The following EYS variants were observed in gnomAD, a reference collection of about 807,000 sequenced individuals.
The protein encoded by EYS is EGF-like photoreceptor maintenance factor, also known as protein eyes shut homolog.
EYS carries 250 observed loss-of-function variants against 282.1 expected under a neutral mutation model. The ratio of observed to expected loss-of-function variants is 0.89; its 90% confidence interval spans 0.80 to 0.98. The LOEUF (loss-of-function observed/expected upper bound fraction) is 0.98. EYS is among the 50% of genes least tolerant of loss of function. The pLI, the probability that EYS is intolerant of heterozygous loss-of-function variation, is 0.00. For missense variants in EYS, 4,016 were observed against 3,709.0 expected (o/e 1.08, Z -2.15); for synonymous variants, 1,355 against 1,282.9 (o/e 1.06, Z -1.20).
chr6:64,615,731 A>C (rs977687736), intron 24 of EYS, among the ~76,000 whole-genome samples: 5 of 152,114 alleles, frequency 3.3e-5, no homozygotes, highest in Admixed American at 2.6e-4. Flanking sequence ...CATTTCACAC[A>C]AACATTATCT....
intron 34 of EYS, among the ~76,000 whole-genome samples, chr6:63,997,675 C>T (rs936639601): frequency 2.0e-5 from 3 of 152,088 alleles, no homozygotes; most frequent in Non-Finnish European, 2.9e-5. Context: ...TATTTCATTT[C>T]GTCAGCCTAA....
At chr6:64,923,374 G>A (rs886167821) in intron 15 of EYS, among the ~76,000 whole-genome samples, 1 of 152,112 alleles carries the variant, frequency 6.6e-6, no homozygotes, top group Admixed American at 6.6e-5. Context: ...ACCTCCCCCT[G>A]GGTCCCTTCC....
intron 12 of EYS, among the ~76,000 whole-genome samples, chr6:65,174,881 T>G (rs1765189965): frequency 6.6e-6 from 1 of 151,316 alleles, no homozygotes. Context: ...TTTTGGCAGC[T>G]GTTAAAAAGT....
chr6:64,622,655 A>G (rs1015956869), intron 23 of EYS, among the ~76,000 whole-genome samples: 1 of 152,146 alleles, frequency 6.6e-6, no homozygotes, highest in Non-Finnish European at 1.5e-5. Flanking sequence ...TAAAGACAAG[A>G]GTATTTTGAT....
Position 63,720,434 on chromosome 6 carries a change from C to A in EYS, c.*162G>T. 1 of 560,276 alleles carries A rather than the reference C, an allele frequency of 1.8e-6. No homozygotes were observed. Among genetic ancestry groups the A allele is most frequent in the Non-Finnish European group, 3.0e-6 (1 of 334,662 alleles). 34.7% of individuals were successfully genotyped at this position (560,276 alleles called of 1,614,324 possible). ...TAGATGTAGGAAAAACAATCAGAACCTTCAGTGACATTTTACAATCTTATC... is the reference window on the plus strand; with the variant it reads ...TAGATGTAGGAAAAACAATCAGAACATTCAGTGACATTTTACAATCTTATC... On this transcript the variant is annotated 3_prime_UTR_variant, in exon 43 of 43. Coordinates refer to ENST00000503581, the MANE Select transcript of EYS (RefSeq NM_001142800.2).
chr6:63,821,989 A>G (rs566463691), intron 36 of EYS: 1 of 152,358 alleles, frequency 6.6e-6, no homozygotes, highest in Admixed American at 6.5e-5. Flanking sequence ...CCTGTCCCTG[A>G]ACTCCATGAT....
At chr6:63,831,055 T>G (rs1247880968) in intron 36 of EYS, among the ~76,000 whole-genome samples, 1 of 152,062 alleles carries the variant, frequency 6.6e-6, no homozygotes, top group Admixed American at 6.6e-5. Context: ...TTACAAGAGC[T>G]CCTGAAGGAA....
chr6:65,622,524 T>C (rs1199265612), intron 2 of EYS, among the ~76,000 whole-genome samples: 1 of 152,072 alleles, frequency 6.6e-6, no homozygotes, highest in Non-Finnish European at 1.5e-5. Context: ...AATTTGCATA[T>C]TTTTTCTTAT....
chr6:64,735,473 A>G (rs961423997), intron 22 of EYS, among the ~76,000 whole-genome samples: 4 of 152,166 alleles, frequency 2.6e-5, no homozygotes, highest in Non-Finnish European at 5.9e-5. Flanking sequence ...TTGCATGAAT[A>G]TACTCCTTTC....
chr6:65,320,076 A>G (rs1769428052), intron 11 of EYS, among the ~76,000 whole-genome samples: 1 of 151,938 alleles, frequency 6.6e-6, no homozygotes, highest in Non-Finnish European at 1.5e-5. Flanking sequence ...GAGATGGGGA[A>G]GAACTGACAG....
intron 14 of EYS, among the ~76,000 whole-genome samples, chr6:64,991,854 T>C (rs948999156): frequency 6.6e-6 from 1 of 151,766 alleles, no homozygotes; most frequent in African/African-American, 2.4e-5. Context: ...AGATCATCCA[T>C]TATTTCCTCT....
intron 26 of EYS, among the ~76,000 whole-genome samples, chr6:64,516,141 C>A (rs924917112): frequency 2.0e-5 from 3 of 151,644 alleles, no homozygotes; most frequent in Non-Finnish European, 4.4e-5. Flanking sequence ...AGAGGGGGAA[C>A]AACACACACT....
chr6:64,957,271 A>G (rs1404646012), intron 14 of EYS, among the ~76,000 whole-genome samples: 1 of 152,218 alleles, frequency 6.6e-6, no homozygotes, highest in Non-Finnish European at 1.5e-5. Flanking sequence ...GTCATTTGCA[A>G]CAACATGGAT....
At chr6:64,403,185 T>C (rs1403486279) in intron 28 of EYS, among the ~76,000 whole-genome samples, 1 of 152,070 alleles carries the variant, frequency 6.6e-6, no homozygotes, top group African/African-American at 2.4e-5. Context: ...ATAGACTTTA[T>C]AAAAAGAAAA....
At chr6:65,392,061 G>T (rs1196967719) in intron 7 of EYS, among the ~76,000 whole-genome samples, 1 of 152,102 alleles carries the variant, frequency 6.6e-6, no homozygotes, top group Non-Finnish European at 1.5e-5. Flanking sequence ...AGAGAAACAA[G>T]CAATGGGGAA....
intron 22 of EYS, among the ~76,000 whole-genome samples, chr6:64,810,319 T>G (rs868654948): frequency 3.9e-5 from 6 of 152,086 alleles, no homozygotes; most frequent in Admixed American, 2.0e-4. Flanking sequence ...TTTTAACTTC[T>G]GTGAAAGAAA....
At chr6:63,732,767 G>T (rs1161672835) in intron 41 of EYS, among the ~76,000 whole-genome samples, 1 of 152,180 alleles carries the variant, frequency 6.6e-6, no homozygotes, top group African/African-American at 2.4e-5. Context: ...CGTTCACTAG[G>T]TTCACAGAAG....
At chr6:63,897,360 A>G (rs1383070355) in intron 35 of EYS, among the ~76,000 whole-genome samples, 1 of 152,182 alleles carries the variant, frequency 6.6e-6, no homozygotes, top group Non-Finnish European at 1.5e-5. Flanking sequence ...TGGGGAGACT[A>G]TATTTTGGAT....
chr6:64,864,385 C>CTTTTTTTTTTTTTTTTTTTT lies in EYS; in HGVS notation c.2992+22292_2992+22311dup, dbSNP rs769240399. On this transcript the variant is annotated intron_variant, in intron 19 of 42. Transcript: ENST00000503581. ...GAGAAATACAGAGGTGCTATACCTTCTTTTTTTTTTTTTTTTTTTTTGACA... is the reference window on the plus strand; with the variant it reads ...GAGAAATACAGAGGTGCTATACCTTCTTTTTTTTTTTTTTTTTTTTTTTTTTTTTTTTTTTTTTTTTGACA... 2.1e-3 allele frequency among the ~76,000 whole-genome samples: 118 copies of CTTTTTTTTTTTTTTTTTTTT among 57,194 alleles called. 24 individuals carry two copies. The highest frequency in any genetic ancestry group is 2.7e-3 in the African/African-American group (46 of 17,116). 37.5% of individuals were successfully genotyped at this position (57,194 alleles called of 152,430 possible).
Sources: gnomAD v4.1 joint callset for allele counts (sites outside exome capture counted in the v4.1 genomes callset) on GRCh38, gnomAD v4.1.1 for gene constraint, MANE v1.5 for transcripts, NCBI Gene and HGNC (gene_info 2026-07-23, HGNC 2026-07-21) for gene names.